The following ZRANB3 variants were observed in gnomAD, a reference collection of about 807,000 sequenced individuals.
ZRANB3 encodes zinc finger RANBP2-type containing 3.
Under a neutral mutation model 133.8 loss-of-function variants are expected in ZRANB3, and 125 were observed. The ratio of observed to expected loss-of-function variants is 0.93; its 90% CI spans 0.81 to 1.08. The LOEUF (loss-of-function observed/expected upper bound fraction) is 1.08. ZRANB3 is among the 50% of genes least tolerant of loss of function. The pLI, the probability that ZRANB3 is intolerant of heterozygous loss-of-function variation, is 0.00. For missense variants in ZRANB3, 1,229 were observed against 1,275.5 expected (o/e 0.96, Z 0.56); for synonymous variants, 387 against 432.7 (o/e 0.89, Z 1.31).
chr2:135,266,740 G>A (rs924278383), intron 11 of ZRANB3, among the ~76,000 whole-genome samples: 20 of 151,658 alleles, frequency 1.3e-4, no homozygotes, highest in Admixed American at 9.2e-4. Context: ...ACTCCAGCCT[G>A]GGCGATAGAG....
intron 2 of ZRANB3, among the ~76,000 whole-genome samples, chr2:135,408,492 T>C (rs1255450673): frequency 6.6e-6 from 1 of 152,166 alleles, no homozygotes; most frequent in East Asian, 1.9e-4. Flanking sequence ...CCCAAAGGAT[T>C]ATAAATCATG....
chr2:135,289,795 T>C (rs927378805), intron 8 of ZRANB3, among the ~76,000 whole-genome samples: 7 of 152,046 alleles, frequency 4.6e-5, no homozygotes, highest in East Asian at 1.9e-4. Context: ...CTCAGCTACA[T>C]GGGAGGCTGA....
intron 6 of ZRANB3, among the ~76,000 whole-genome samples, chr2:135,328,881 A>C (rs1244123691): frequency 6.6e-6 from 1 of 152,160 alleles, no homozygotes; most frequent in Admixed American, 6.5e-5. Context: ...GTGTCTGTTC[A>C]TATCCTTTGC....
intron 3 of ZRANB3, among the ~76,000 whole-genome samples, chr2:135,358,433 G>A (rs568751603): frequency 1.1e-4 from 17 of 152,188 alleles, no homozygotes; most frequent in African/African-American, 3.6e-4. Flanking sequence ...TTGAATATTC[G>A]GTGATGAATT....
At chr2:135,286,926 T>C (rs1257076405) in intron 8 of ZRANB3, among the ~76,000 whole-genome samples, 1 of 152,232 alleles carries the variant, frequency 6.6e-6, no homozygotes, top group Non-Finnish European at 1.5e-5. Context: ...TACATTTATT[T>C]AAGTCTCATC....
chr2:135,422,317 C>T lies in ZRANB3; in HGVS notation c.162-31497G>A, dbSNP rs192490344. ...CCCCTACTACTCCATCACAGTTACT[C>T]GTCAAAGCCATGAATGATATATCTT... On this transcript the variant is annotated intron_variant, in intron 2 of 20. Transcript: ENST00000264159. Among the ~76,000 whole-genome samples, 46 of 152,224 alleles carry T rather than the reference C, an allele frequency of 3.0e-4. 1 individual carries two copies. Among genetic ancestry groups the T allele is most frequent in the African/African-American group, 1.1e-3 (46 of 41,534 alleles).
At chr2:135,473,750 C>T (rs1365231058) in intron 2 of ZRANB3, among the ~76,000 whole-genome samples, 1 of 152,102 alleles carries the variant, frequency 6.6e-6, no homozygotes, top group Non-Finnish European at 1.5e-5. Context: ...GACACAATGG[C>T]CATCTTTCTT....
chr2:135,380,032 C>T (rs914255023), intron 3 of ZRANB3, among the ~76,000 whole-genome samples: 1 of 152,086 alleles, frequency 6.6e-6, no homozygotes, highest in Non-Finnish European at 1.5e-5. Context: ...ATAAAACAGA[C>T]TTTAAGCCAA....
chr2:135,328,053 A>T (rs1003284314), intron 6 of ZRANB3, among the ~76,000 whole-genome samples: 21 of 151,276 alleles, frequency 1.4e-4, no homozygotes, highest in Non-Finnish European at 5.9e-5. Flanking sequence ...TTTTTTTTTT[A>T]GTTAAAGCCA....
chr2:135,280,987 C>G (rs1456078889), intron 8 of ZRANB3, among the ~76,000 whole-genome samples: 1 of 152,096 alleles, frequency 6.6e-6, no homozygotes, highest in Non-Finnish European at 1.5e-5. Flanking sequence ...TATTCCGTAC[C>G]TTTGATGTAT....
intron 2 of ZRANB3, among the ~76,000 whole-genome samples, chr2:135,449,190 C>G (rs191361420): frequency 6.6e-6 from 1 of 152,104 alleles, no homozygotes; most frequent in Non-Finnish European, 1.5e-5. Context: ...AGCAAAGAAC[C>G]TAAATCAACT....
In ZRANB3 at chr2:135,466,910, T is replaced by C. The variant is rs1343959837; in HGVS notation, c.161+37419A>G. ...CAGGCTGCAAGTGATCCACCTCCAA[T>C]GGCCTCCCATAGTGCTGGGATTACA... On this transcript the variant is annotated intron_variant, in intron 2 of 20. Transcript: ENST00000264159. Among the ~76,000 whole-genome samples the C allele has an allele frequency of 2.6e-5, 4 of 152,232 alleles. No homozygotes were observed. The East Asian group carries it at 5.8e-4, about 22-fold the overall frequency.
chr2:135,456,451 C>CA (rs1229228904), intron 2 of ZRANB3, among the ~76,000 whole-genome samples: 1 of 152,152 alleles, frequency 6.6e-6, no homozygotes, highest in Non-Finnish European at 1.5e-5. Flanking sequence ...GCTATATCCT[C>CA]AATAAGAGTA....
At chr2:135,414,831 G>C (rs538491741) in intron 2 of ZRANB3, among the ~76,000 whole-genome samples, 129 of 152,272 alleles carry the variant, frequency 8.5e-4, no homozygotes, top group African/African-American at 3.0e-3. Flanking sequence ...CATGGAAACT[G>C]AACAACCTGC....
At chr2:135,495,707 C>G (rs1692631937) in intron 2 of ZRANB3, among the ~76,000 whole-genome samples, 1 of 151,946 alleles carries the variant, frequency 6.6e-6, no homozygotes, top group African/African-American at 2.4e-5. Flanking sequence ...ACTTTAGTGA[C>G]AGAAGTCAGA....
intron 6 of ZRANB3, among the ~76,000 whole-genome samples, chr2:135,330,894 T>C (rs1366490070): frequency 6.6e-6 from 1 of 152,192 alleles, no homozygotes; most frequent in Non-Finnish European, 1.5e-5. Flanking sequence ...TGAGTGATGA[T>C]ATCCCTTTTA....
intron 12 of ZRANB3, among the ~76,000 whole-genome samples, chr2:135,232,529 C>A (rs1411841077): frequency 3.9e-5 from 6 of 152,232 alleles, no homozygotes; most frequent in Non-Finnish European, 5.9e-5. Context: ...AGTAGCCTAA[C>A]TGGGAGGCAG....
chr2:135,431,858 A>G (rs72986413), intron 2 of ZRANB3, among the ~76,000 whole-genome samples: 10,509 of 152,248 alleles, frequency 0.069, 756 homozygotes, highest in African/African-American at 0.18. Context: ...TTGCTGGTGG[A>G]AATGAAAAAT....
chr2:135,339,121 T>A (rs574225239), intron 6 of ZRANB3, among the ~76,000 whole-genome samples: 206 of 151,874 alleles, frequency 1.4e-3, no homozygotes, highest in South Asian at 4.4e-3. Flanking sequence ...CAAAAAAAAA[T>A]TTTTTAATTG....
Sources: gnomAD v4.1 joint callset for allele counts (sites outside exome capture counted in the v4.1 genomes callset) on GRCh38, gnomAD v4.1.1 for gene constraint, MANE v1.5 for transcripts, NCBI Gene and HGNC (gene_info 2026-07-23, HGNC 2026-07-21) for gene names.